TMEM144: variants seen among roughly 807,000 people sequenced by gnomAD.
TMEM144 encodes the protein transmembrane protein 144.
A neutral mutation model predicts 43.6 loss-of-function variants in TMEM144; 39 were observed. The observed-to-expected ratio is 0.90, with a 90% CI of 0.69 to 1.17. TMEM144 has a LOEUF of 1.17. TMEM144 is among the 50% of genes most tolerant of loss of function. TMEM144 has a pLI of 0.00. For missense variants in TMEM144, 417 were observed against 411.9 expected (o/e 1.01, Z -0.11); for synonymous variants, 154 against 133.6 (o/e 1.15, Z -1.06).
chr4:158,229,183 G>C (rs968386146), intron 6 of TMEM144, among the ~76,000 whole-genome samples: 1 of 151,988 alleles, frequency 6.6e-6, no homozygotes, highest in African/African-American at 2.4e-5. Flanking sequence ...CTTTAGTTTC[G>C]CTTCTCTTCC....
rs1579168557 is a variant in TMEM144, at chr4:158,254,759, T to A, written c.*1232T>A. ...GATAGTACTGTTTATTACTTTGCTA[T>A]GCAGGAGAAACAAAACAGCTTTTTA... is the stretch of plus-strand genomic sequence containing the variant. On this transcript the variant is annotated 3_prime_UTR_variant, in exon 13 of 13. Coordinates refer to ENST00000296529, the MANE Select transcript of TMEM144 (RefSeq NM_018342.5). 1.3e-5 allele frequency: 2 copies of A among 152,210 alleles called. No individual in the cohort carries two copies. The highest frequency in any genetic ancestry group is 4.8e-5 in the African/African-American group (2 of 41,450). 9.4% of individuals were successfully genotyped at this position (152,210 alleles called of 1,614,324 possible). A position where few individuals can be genotyped will look rare whatever the true frequency, so the allele number is the denominator to read the frequency against.
rs1736402929 is a variant in TMEM144 at position 158,254,829 on chromosome 4, C to T, written c.*1302C>T. On this transcript the variant is annotated 3_prime_UTR_variant, in exon 13 of 13. Coordinates refer to ENST00000296529, the MANE Select transcript of TMEM144 (RefSeq NM_018342.5). ...GTCAATGTGCATGGGTTAAATCCCA[C>T]CTCTGCTTCATTTTATTTGTGTGGC... 1.3e-5 allele frequency: 2 copies of T among 152,148 alleles called. No homozygotes were observed. The highest frequency in any genetic ancestry group is 4.1e-4 in the South Asian group (2 of 4,834). 9.4% of individuals were successfully genotyped at this position (152,148 alleles called of 1,614,324 possible). A position where few individuals can be genotyped will look rare whatever the true frequency, so the allele number is the denominator to read the frequency against.
At chr4:158,231,529 G>A (rs1467486338) in intron 6 of TMEM144, among the ~76,000 whole-genome samples, 1 of 152,172 alleles carries the variant, frequency 6.6e-6, no homozygotes, top group Non-Finnish European at 1.5e-5. Flanking sequence ...AGATTGTGTG[G>A]TAACTATTCT....
chr4:158,226,433 T>C (rs1457178810), intron 6 of TMEM144, among the ~76,000 whole-genome samples: 1 of 152,200 alleles, frequency 6.6e-6, no homozygotes, highest in Non-Finnish European at 1.5e-5. Context: ...GCATGATACC[T>C]CTTTAACTTT....
intron 6 of TMEM144, among the ~76,000 whole-genome samples, chr4:158,231,874 A>C (rs936401097): frequency 2.6e-5 from 4 of 152,222 alleles, no homozygotes; most frequent in Admixed American, 6.5e-5. Flanking sequence ...GAAACTATTC[A>C]TGTTTTAAAG....
intron 6 of TMEM144, 112 bp downstream of exon 6, chr4:158,219,502 C>A: frequency 9.6e-7 from 1 of 1,042,206 alleles, no homozygotes. Flanking sequence ...AATCCACATG[C>A]TTGTTCCTCA....
In TMEM144 at chr4:158,254,443, T is replaced by G. The variant is rs1308241364; in HGVS notation, c.*916T>G. ...AAATGACAGGCATGCTAGTTTTTTT[T>G]TTTTTTTTTTTTTTTTAAGAAAACT... On this transcript the variant is annotated 3_prime_UTR_variant, in exon 13 of 13. Transcript: ENST00000296529. The G allele has an allele frequency of 2.7e-5, 4 of 150,506 alleles. No individual in the cohort carries two copies. The highest frequency in any genetic ancestry group is 9.8e-5 in the African/African-American group (4 of 40,900). The allele number at this position is 150,506 out of a possible 1,614,324, so 9.3% of individuals were successfully genotyped here.
Position 158,219,333 on chromosome 4 carries a change from CAGA to C in TMEM144, c.362_364del (p.Glu121del), listed in dbSNP as rs760381433. Reference sequence around the variant, plus strand: ...AGGTTTGGCTGGTTTGGATTGGATGCAGAAGAAGTATCAAATCCGCTGCTAAAT... The same window carrying C: ...AGGTTTGGCTGGTTTGGATTGGATGCAGAAGTATCAAATCCGCTGCTAAAT... On this transcript the variant is annotated inframe_deletion, in exon 6 of 13. Transcript: ENST00000296529. 51 of 1,613,696 alleles carry C rather than the reference CAGA, an allele frequency of 3.2e-5. No individual in the cohort carries two copies. In the East Asian group the frequency reaches 4.0e-4, roughly 13 times the overall value.
chr4:158,240,890 A>T (rs1158243015), intron 10 of TMEM144, among the ~76,000 whole-genome samples: 1 of 152,242 alleles, frequency 6.6e-6, no homozygotes, highest in Non-Finnish European at 1.5e-5. Context: ...TTAATTCATT[A>T]GGCATTGATC....
chr4:158,253,414 T>C, intron 12 of TMEM144, 30 bp from the exon 13 acceptor site: 1 of 1,556,498 alleles, frequency 6.4e-7, no homozygotes, highest in Non-Finnish European at 8.8e-7. Context: ...CAGGCCTTAT[T>C]CATCACTGTT....
chr4:158,231,482 T>C (rs13124668), intron 6 of TMEM144, among the ~76,000 whole-genome samples: 1 of 152,160 alleles, frequency 6.6e-6, no homozygotes. Context: ...TTAGAAAATC[T>C]TTAGAGAAAA....
intron 6 of TMEM144, among the ~76,000 whole-genome samples, chr4:158,227,345 T>TG (rs1304693777): frequency 6.6e-6 from 1 of 152,182 alleles, no homozygotes; most frequent in African/African-American, 2.4e-5. Flanking sequence ...CACGGGTTAC[T>TG]GGGTTAAGGA....
At chr4:158,222,926 A>G (rs965302252) in intron 6 of TMEM144, among the ~76,000 whole-genome samples, 3 of 152,214 alleles carry the variant, frequency 2.0e-5, no homozygotes, top group African/African-American at 7.2e-5. Flanking sequence ...CATAGACTTT[A>G]TCATGGAACT....
At chr4:158,215,538 C>T (rs1278518697) in intron 4 of TMEM144, among the ~76,000 whole-genome samples, 1 of 152,106 alleles carries the variant, frequency 6.6e-6, no homozygotes, top group Admixed American at 6.5e-5. Flanking sequence ...TTTTTAAGTT[C>T]CTGGTAGAAA....
chr4:158,217,764 C>G (rs1240230442), intron 5 of TMEM144, among the ~76,000 whole-genome samples: 1 of 152,138 alleles, frequency 6.6e-6, no homozygotes, highest in Non-Finnish European at 1.5e-5. Context: ...GAGGTAAGCA[C>G]TATCTTATAA....
At position 158,212,605 on chromosome 4, in the gene TMEM144, C is replaced by G; in HGVS notation, c.-60-3C>G. 1 of 1,191,506 alleles carries G rather than the reference C, an allele frequency of 8.4e-7. No homozygotes were observed. Among genetic ancestry groups the G allele is most frequent in the South Asian group, 1.5e-5 (1 of 66,634 alleles). The allele number at this position is 1,191,506 out of a possible 1,614,324, so 73.8% of individuals were successfully genotyped here. A position where few individuals can be genotyped will look rare whatever the true frequency, so the allele number is the denominator to read the frequency against. On this transcript the variant is annotated splice_polypyrimidine_tract_variant and splice_region_variant and intron_variant, in intron 2 of 12. Coordinates refer to ENST00000296529, the MANE Select transcript of TMEM144 (RefSeq NM_018342.5). ...AATTGTTTCATTTTTTCTTTTATTTCAGAAGCTCCTGAAAAGTACATCAAG... is the reference window on the plus strand; with the variant it reads ...AATTGTTTCATTTTTTCTTTTATTTGAGAAGCTCCTGAAAAGTACATCAAG...
chr4:158,224,655 G>A (rs1013734599), intron 6 of TMEM144, among the ~76,000 whole-genome samples: 3 of 152,084 alleles, frequency 2.0e-5, no homozygotes, highest in East Asian at 1.9e-4. Context: ...AACAGCCTTC[G>A]GTCTGAGGAA....
At chr4:158,228,987 C>T (rs1054444376) in intron 6 of TMEM144, among the ~76,000 whole-genome samples, 4 of 151,976 alleles carry the variant, frequency 2.6e-5, no homozygotes, top group Non-Finnish European at 4.4e-5. Context: ...GTAATCAGAA[C>T]GAAACAGAAC....
In TMEM144 at chr4:158,212,679, T is replaced by C. The variant is rs1419883620; in HGVS notation, c.12T>C (p.Asn4=). 3 of 1,611,122 alleles carry C rather than the reference T, an allele frequency of 1.9e-6. No individual in the cohort carries two copies. The highest frequency in any genetic ancestry group is 2.5e-6 in the Non-Finnish European group (3 of 1,179,050). MSN[N]GADLTFGYIS... ...TTAAGACTGGAATCATGAGCAACAA[T>C]GGAGCAGACCTAACCTTTGGTTACA... is the stretch of plus-strand genomic sequence containing the variant. Residue 4 remains asparagine, a synonymous_variant, in exon 3 of 13, where the codon AAT becomes AAC. Coordinates refer to ENST00000296529, the MANE Select transcript of TMEM144 (RefSeq NM_018342.5).
Sources: gnomAD v4.1 joint callset for allele counts (sites outside exome capture counted in the v4.1 genomes callset) on GRCh38, gnomAD v4.1.1 for gene constraint, MANE v1.5 for transcripts, NCBI Gene and HGNC (gene_info 2026-07-23, HGNC 2026-07-21) for gene names.